The following BPI variants were observed in gnomAD, a reference collection of about 807,000 sequenced individuals.
BPI encodes the protein bactericidal permeability-increasing protein.
Under a neutral mutation model 57.6 loss-of-function variants are expected in BPI, and 48 were observed. That is an observed-to-expected ratio of 0.83 (90% CI 0.66 to 1.06). BPI has a LOEUF of 1.06. BPI is among the 50% of genes least tolerant of loss of function. BPI has a pLI of 0.00. For synonymous variants in BPI, 237 were observed against 238.2 expected (o/e 0.99, Z 0.05); for missense variants, 651 against 609.7 (o/e 1.07, Z -0.71).
intron 1 of BPI, 33 bp downstream of exon 1, chr20:38,304,386 C>G (rs762519835): frequency 1.2e-6 from 2 of 1,606,768 alleles, no homozygotes; most frequent in East Asian, 4.5e-5. Context: ...TCCTCTCCAC[C>G]CCTGAGGAGC....
chr20:38,323,976 A>G lies in BPI; in HGVS notation c.863A>G (p.Tyr288Cys), dbSNP rs1049168902. The G allele has an allele frequency of 1.2e-6, 2 of 1,613,988 alleles. No homozygotes were observed. Among genetic ancestry groups the G allele is most frequent in the Non-Finnish European group, 8.5e-7 (1 of 1,180,000 alleles). ...DRMVYLGLSD[Y>C]FFNTAGLVYQ... ...ATGGTATACCTGGGCCTCTCAGACT[A>G]CTTCTTCAACACAGCCGGGCTTGTA... The change falls in exon 8 of 15, where the codon TAC becomes TGC. Residue 288 changes from tyrosine to cysteine, a missense_variant. Tyr to Cys is a radical substitution (Grantham distance 194, BLOSUM62 -2). Coordinates refer to ENST00000642449, the MANE Select transcript of BPI (RefSeq NM_001725.3).
intron 5 of BPI, among the ~76,000 whole-genome samples, chr20:38,312,771 G>A (rs902666095): frequency 9.8e-6 from 1 of 102,120 alleles, no homozygotes; most frequent in South Asian, 3.5e-4. Context: ...TGAAAATACA[G>A]ATGGGGGGCA....
chr20:38,307,039 T>A (rs751110277), intron 1 of BPI, among the ~76,000 whole-genome samples: 78 of 151,742 alleles, frequency 5.1e-4, no homozygotes, highest in African/African-American at 7.0e-4. Flanking sequence ...TAAAAAAAAA[T>A]TTTTAAAAAG....
intron 5 of BPI, among the ~76,000 whole-genome samples, chr20:38,317,179 G>A (rs889347384): frequency 2.6e-5 from 4 of 152,222 alleles, no homozygotes; most frequent in Non-Finnish European, 5.9e-5. Flanking sequence ...GAAGGAGCTT[G>A]TCTGACCACC....
chr20:38,310,518 C>T lies in BPI; in HGVS notation c.402C>T (p.Ser134=), dbSNP rs754318437. The change falls in exon 4 of 15, where the codon AGC becomes AGT. Residue 134 remains serine (S), a synonymous_variant. Transcript: ENST00000642449. The part of the protein sequence containing the change: ...FLKMSGNFDL[S]IEGMSISADL... ...AAATGAGCGGCAATTTTGACCTGAGCATAGAAGGCATGTCCATTTCGGCTG... is the reference window on the plus strand; with the variant it reads ...AAATGAGCGGCAATTTTGACCTGAGTATAGAAGGCATGTCCATTTCGGCTG... 6.2e-6 allele frequency: 10 copies of T among 1,614,056 alleles called. No homozygotes were observed. The highest frequency in any genetic ancestry group is 8.5e-6 in the Non-Finnish European group (10 of 1,179,936).
At position 38,311,917 on chromosome 20, in the gene BPI, C is replaced by G. The variant is rs773417495; in HGVS notation, c.580C>G (p.Arg194Gly). The change falls in exon 5 of 15, where the codon CGA becomes GGA. Residue 194 changes from arginine to glycine, a missense_variant. Arg to Gly is a moderately radical substitution (Grantham distance 125, BLOSUM62 -2). Coordinates refer to ENST00000642449, the MANE Select transcript of BPI (RefSeq NM_001725.3). ...LFHKKIESAL[R>G]NKMNSQVCEK... ...CCACAAAAAAATTGAGTCTGCGCTT[C>G]GAAACAAGATGAACAGCCAGGTAGG... 7 of 1,613,994 alleles carry G rather than the reference C, an allele frequency of 4.3e-6. No homozygotes were observed. The highest frequency in any genetic ancestry group is 5.9e-6 in the Non-Finnish European group (7 of 1,180,004).
At chr20:38,324,709 A>G in intron 8 of BPI, 65 bp from the exon 9 acceptor site, 2 of 1,330,082 alleles carry the variant, frequency 1.5e-6, no homozygotes, top group Non-Finnish European at 2.2e-6. Flanking sequence ...CCGATACAGA[A>G]CTCACCCCCT....
chr20:38,334,388 G>T (rs5743541), intron 12 of BPI, 42 bp from the exon 13 acceptor site: 2 of 1,573,434 alleles, frequency 1.3e-6, no homozygotes, highest in Admixed American at 1.7e-5. Context: ...GCAAGGTTCT[G>T]GCGATGCAGG....
At chr20:38,314,583 A>G (rs1415694626) in intron 5 of BPI, among the ~76,000 whole-genome samples, 2 of 131,554 alleles carry the variant, frequency 1.5e-5, no homozygotes, top group African/African-American at 2.9e-5. Flanking sequence ...GGTGATGATG[A>G]TGGTGGGGAT....
intron 2 of BPI, among the ~76,000 whole-genome samples, chr20:38,308,039 C>T (rs1438273778): frequency 6.6e-6 from 1 of 152,216 alleles, no homozygotes; most frequent in Non-Finnish European, 1.5e-5. Context: ...TTGAGGCAGG[C>T]TTACATGTCA....
Position 38,337,417 on chromosome 20 carries a change from T to C in BPI, c.*233T>C, listed in dbSNP as rs541490449. On this transcript the variant is annotated 3_prime_UTR_variant, in exon 15 of 15. Coordinates refer to ENST00000642449, the MANE Select transcript of BPI (RefSeq NM_001725.3). Reference sequence around the variant, plus strand: ...CTTTCAAGGGCTAAGGCTGCAGAGATATTTCCTCCAGGAATCGTGTTTCAA... The same window carrying C: ...CTTTCAAGGGCTAAGGCTGCAGAGACATTTCCTCCAGGAATCGTGTTTCAA... 39 of 395,622 alleles carry C rather than the reference T, an allele frequency of 9.9e-5. No individual in the cohort carries two copies. Among genetic ancestry groups the C allele is most frequent in the African/African-American group, 8.1e-4 (39 of 48,236 alleles). The allele number at this position is 395,622 out of a possible 1,614,324, so 24.5% of individuals were successfully genotyped here. A position where few individuals can be genotyped will look rare whatever the true frequency, so the allele number is the denominator to read the frequency against.
intron 3 of BPI, among the ~76,000 whole-genome samples, chr20:38,310,169 C>T (rs2076615244): frequency 6.6e-6 from 1 of 152,202 alleles, no homozygotes; most frequent in South Asian, 2.1e-4. Flanking sequence ...TGGTGTCTGA[C>T]TGCTGATCCA....
At chr20:38,335,950 T>C in intron 14 of BPI, among the ~76,000 whole-genome samples, 1 of 152,226 alleles carries the variant, frequency 6.6e-6, no homozygotes, top group Non-Finnish European at 1.5e-5. Context: ...AATGCATTTG[T>C]GGGCCAAAGA....
chr20:38,320,874 G>GATGGATAA, intron 7 of BPI, among the ~76,000 whole-genome samples: 1 of 137,050 alleles, frequency 7.3e-6, no homozygotes, highest in Non-Finnish European at 1.6e-5. Context: ...TGGATGGATG[G>GATGGATAA]GTAGGTGGAT....
At chr20:38,317,980 C>T (rs1262212579) in intron 5 of BPI, 1 of 985,112 alleles carries the variant, frequency 1.0e-6, no homozygotes, top group Admixed American at 6.2e-5. Flanking sequence ...TAAGCAGAAA[C>T]ACTGCCCATG....
At chr20:38,334,304 C>A (rs1489531542) in intron 12 of BPI, 126 bp from the exon 13 acceptor site, 1 of 896,168 alleles carries the variant, frequency 1.1e-6, no homozygotes, top group African/African-American at 1.6e-5. Flanking sequence ...GCAGTTTTCC[C>A]AACTGCGCGG....
intron 5 of BPI, chr20:38,317,614 T>G: frequency 1.4e-6 from 1 of 718,152 alleles, no homozygotes; most frequent in Non-Finnish European, 2.6e-6. Flanking sequence ...TCAGGTGTAT[T>G]GTTGTGTTCT....
At chr20:38,325,296 G>A (rs2076706930) in intron 9 of BPI, among the ~76,000 whole-genome samples, 2 of 152,126 alleles carry the variant, frequency 1.3e-5, no homozygotes, top group African/African-American at 2.4e-5. Flanking sequence ...GTCTTTATCT[G>A]CTCAGGCTAC....
In BPI at chr20:38,327,552, G is replaced by A. The variant is rs368846296; in HGVS notation, c.1162-36G>A. The A allele has an allele frequency of 2.5e-6, 4 of 1,610,466 alleles. No homozygotes were observed. The South Asian group carries it at 3.3e-5, about 13-fold the overall frequency. ...GGAGGCCTTGCAATCAGGTGCCTGG[G>A]TCAGGGCACTTCACCCTGGGTTGTT... On this transcript the variant is annotated intron_variant, in intron 10 of 14. Transcript: ENST00000642449.
Sources: allele counts gnomAD v4.1 joint callset (sites outside exome capture counted in the v4.1 genomes callset), GRCh38; gene constraint gnomAD v4.1.1; transcripts MANE v1.5; gene names NCBI Gene and HGNC (gene_info 2026-07-23, HGNC 2026-07-21).